CD58: variants seen among roughly 807,000 people sequenced by gnomAD.
The protein encoded by CD58 is CD58 molecule.
A neutral mutation model predicts 27.6 loss-of-function variants in CD58; 14 were observed. The ratio of observed to expected loss-of-function variants is 0.51; its 90% CI spans 0.34 to 0.79. The LOEUF (loss-of-function observed/expected upper bound fraction) is 0.79. Among genes scored for constraint, CD58 ranks in the 30% least tolerant of loss-of-function variants. CD58 has a pLI of 0.02. For missense variants in CD58, 268 were observed against 301.7 expected (o/e 0.89, Z 0.83); for synonymous variants, 117 against 103.8 (o/e 1.13, Z -0.77).
intron 3 of CD58, 124 bp downstream of exon 3, chr1:116,535,840 CA>C (rs35445069): frequency 0.13 from 19,135 of 151,296 alleles, 6 homozygotes; most frequent in South Asian, 0.16. Context: ...GACTCTGTCT[CA>C]AAAAAAAAAA....
In CD58 at chr1:116,538,221, T is replaced by C. The variant is rs767838858; in HGVS notation, c.365-1993A>G. On this transcript the variant is annotated intron_variant, in intron 2 of 5. Transcript: ENST00000369489. The surrounding 1 kb of genome is among the most constrained non-coding windows in gnomAD (Gnocchi z 4.7). ...AGACTTTTAATCATCTTTTAAGCAG[T>C]GGAATTTCTCAGAATTAAATCTTCA... is the stretch of plus-strand genomic sequence containing the variant. Among the ~76,000 whole-genome samples the C allele has an allele frequency of 5.3e-5, 8 of 152,162 alleles. No homozygotes were observed. Among genetic ancestry groups the C allele is most frequent in the Non-Finnish European group, 1.0e-4 (7 of 68,028 alleles).
intron 1 of CD58, among the ~76,000 whole-genome samples, chr1:116,569,760 C>G (rs1659065802): frequency 6.6e-6 from 1 of 152,046 alleles, no homozygotes; most frequent in South Asian, 2.1e-4. Context: ...CGCCACCACG[C>G]TCAGCTAATT....
chr1:116,544,330 C>G lies in CD58; in HGVS notation c.345G>C (p.Lys115Asn). The change falls in exon 2 of 6, where the codon AAG becomes AAC. Residue 115 changes from lysine (K) to asparagine (N), a missense_variant. Physicochemically the swap from Lys to Asn is moderately conservative, Grantham distance 94. Coordinates refer to ENST00000369489, the MANE Select transcript of CD58 (RefSeq NM_001779.3). ...MESPNITDTMKFFLYVLESLP... is the reference protein window; with the variant it reads ...MESPNITDTMNFFLYVLESLP... ...ACTCACCAAGCACATAAAGAAAGAA[C>G]TTCATGGTATCAGTAATATTTGGCG... 1 of 1,604,122 alleles carries G rather than the reference C, an allele frequency of 6.2e-7. No individual in the cohort carries two copies. Among genetic ancestry groups the G allele is most frequent in the Non-Finnish European group, 8.5e-7 (1 of 1,176,560 alleles).
intron 1 of CD58, among the ~76,000 whole-genome samples, chr1:116,553,486 T>C (rs920033855): frequency 1.3e-5 from 2 of 152,048 alleles, no homozygotes; most frequent in African/African-American, 4.8e-5. Flanking sequence ...TGACAGCATA[T>C]GGGGTAAAGG....
At position 116,544,328 on chromosome 1, in the gene CD58, A is replaced by T. The variant is rs749547715; in HGVS notation, c.347T>A (p.Phe116Tyr). The change falls in exon 2 of 6, where the codon TTC (phenylalanine) becomes TAC (tyrosine). Residue 116 changes from phenylalanine to tyrosine, a missense_variant. Phe to Tyr is a conservative substitution (Grantham distance 22). Transcript: ENST00000369489. ...ESPNITDTMK[F>Y]FLYVLESLPS... ...ATACTCACCAAGCACATAAAGAAAGAACTTCATGGTATCAGTAATATTTGG... is the reference window on the plus strand; with the variant it reads ...ATACTCACCAAGCACATAAAGAAAGTACTTCATGGTATCAGTAATATTTGG... 22 of 1,601,350 alleles carry T rather than the reference A, an allele frequency of 1.4e-5. No individual in the cohort carries two copies. The East Asian group carries it at 4.9e-4, about 36-fold the overall frequency.
At chr1:116,545,423 T>C (rs1203404476) in intron 1 of CD58, among the ~76,000 whole-genome samples, 6 of 152,144 alleles carry the variant, frequency 3.9e-5, no homozygotes, top group Non-Finnish European at 5.9e-5. Context: ...ATGAAGTCCA[T>C]GGACAGGACA....
rs887185396 is a variant in CD58 at position 116,552,266 on chromosome 1, A to G, written c.71-7662T>C. ...AGTCAGTGGAGCAGTCAGAACACAC[A>G]TAGCATTTATCAATTAAGTTCACCG... On this transcript the variant is annotated intron_variant, in intron 1 of 5. Transcript: ENST00000369489. The surrounding 1 kb of genome is among the most constrained non-coding windows in gnomAD (Gnocchi z 4.5). Among the ~76,000 whole-genome samples the G allele has an allele frequency of 6.6e-6, 1 of 152,190 alleles. No homozygotes were observed. The highest frequency in any genetic ancestry group is 1.5e-5 in the Non-Finnish European group (1 of 68,036).
At chr1:116,554,591 CT>C (rs1658504535) in intron 1 of CD58, among the ~76,000 whole-genome samples, 1 of 151,846 alleles carries the variant, frequency 6.6e-6, no homozygotes, top group African/African-American at 2.4e-5. Flanking sequence ...CTCACTTGCT[CT>C]TTTTTTAGAC....
At chr1:116,518,733 T>C in intron 5 of CD58, 1 of 991,718 alleles carries the variant, frequency 1.0e-6, no homozygotes, top group Non-Finnish European at 1.2e-6. Context: ...CTGCTGCTAA[T>C]TGTGTTTGTG....
rs1657278608 is a variant in CD58 at position 116,522,059 on chromosome 1, C to T, written c.629-76G>A. On this transcript the variant is annotated intron_variant, in intron 3 of 5. Transcript: ENST00000369489. This position sits in a 1 kb window ranked among gnomAD's most constrained non-coding sequence, Gnocchi z 4.6. ...GATCCTCATTATTTGCAGATTCCAC[C>T]TTGCGGTTTGCTTATTTACTGAAAT... 4.0e-6 allele frequency: 3 copies of T among 757,134 alleles called. No homozygotes were observed. Among genetic ancestry groups the T allele is most frequent in the Non-Finnish European group, 6.6e-6 (3 of 456,498 alleles). 46.9% of individuals were successfully genotyped at this position (757,134 alleles called of 1,614,324 possible).
intron 1 of CD58, among the ~76,000 whole-genome samples, chr1:116,558,512 A>G (rs552057011): frequency 8.5e-5 from 13 of 152,362 alleles, no homozygotes; most frequent in African/African-American, 3.1e-4. Flanking sequence ...AGTATTGAGG[A>G]GCGGCCAATC....
Position 116,563,068 on chromosome 1 carries a change from G to T in CD58, c.70+7835C>A, listed in dbSNP as rs1306324149. On this transcript the variant is annotated intron_variant, in intron 1 of 5. Coordinates refer to ENST00000369489, the MANE Select transcript of CD58 (RefSeq NM_001779.3). This position sits in a 1 kb window ranked among gnomAD's most constrained non-coding sequence, Gnocchi z 4.1. ...TTAGTTACTTCCTAGATACAATGGG[G>T]GTACAGGTGCTGAGTAAATATATCC... Among the ~76,000 whole-genome samples the T allele has an allele frequency of 6.6e-6, 1 of 152,186 alleles. No individual in the cohort carries two copies. The highest frequency in any genetic ancestry group is 1.9e-4 in the East Asian group (1 of 5,204).
rs1657020117 is a variant in CD58 at position 116,514,675 on chromosome 1, A to G, written c.*138T>C. ...TAATGCTTGTTCTTTGTTAGTGGGT[A>G]TTTCTTCTTAAAGCAGCTGCTTCAA... is the stretch of plus-strand genomic sequence containing the variant. On this transcript the variant is annotated 3_prime_UTR_variant, in exon 6 of 6. Transcript: ENST00000369489. The G allele has an allele frequency of 1.7e-6, 1 of 591,328 alleles. No individual in the cohort carries two copies. Among genetic ancestry groups the G allele is most frequent in the African/African-American group, 1.9e-5 (1 of 52,602 alleles). 36.6% of individuals were successfully genotyped at this position (591,328 alleles called of 1,614,324 possible).
chr1:116,525,807 T>A (rs1056158090), intron 3 of CD58, among the ~76,000 whole-genome samples: 1 of 152,218 alleles, frequency 6.6e-6, no homozygotes, highest in African/African-American at 2.4e-5. Context: ...TAGCTAATTT[T>A]TGTATTTTTA....
intron 1 of CD58, among the ~76,000 whole-genome samples, chr1:116,564,749 G>A (rs1658877338): frequency 6.6e-6 from 1 of 152,156 alleles, no homozygotes; most frequent in South Asian, 2.1e-4. Flanking sequence ...TTGACATATG[G>A]GGATTATTAC....
At chr1:116,548,202 G>A (rs897931670) in intron 1 of CD58, among the ~76,000 whole-genome samples, 1 of 152,128 alleles carries the variant, frequency 6.6e-6, no homozygotes, top group Non-Finnish European at 1.5e-5. Context: ...CTGGATATTG[G>A]TCCTTTGTCA....
Position 116,567,991 on chromosome 1 carries a change from C to T in CD58, c.70+2912G>A, listed in dbSNP as rs1658998973. Among the ~76,000 whole-genome samples, 3 of 147,378 alleles carry T rather than the reference C, an allele frequency of 2.0e-5. No individual in the cohort carries two copies. The South Asian group carries it at 6.4e-4, about 31-fold the overall frequency. On this transcript the variant is annotated intron_variant, in intron 1 of 5. Coordinates refer to ENST00000369489, the MANE Select transcript of CD58 (RefSeq NM_001779.3). ...GAGGAAACAAGCAGGCAATCCACAT[C>T]CAAAGGGACATTCGGTAAAGCAACT...
chr1:116,539,388 T>C (rs1657918728), intron 2 of CD58, among the ~76,000 whole-genome samples: 1 of 152,178 alleles, frequency 6.6e-6, no homozygotes, highest in African/African-American at 2.4e-5. Flanking sequence ...GGTCTCTTGT[T>C]CTACTTACAG....
Position 116,570,933 on chromosome 1 carries a change from G to A in CD58, c.40C>T (p.Leu14Phe). The change falls in exon 1 of 6, where the codon CTC (leucine) becomes TTC (phenylalanine). Residue 14 changes from leucine to phenylalanine, a missense_variant. Leu to Phe is a conservative substitution (Grantham distance 22). Coordinates refer to ENST00000369489, the MANE Select transcript of CD58 (RefSeq NM_001779.3). This position sits in a 1 kb window ranked among gnomAD's most constrained non-coding sequence, Gnocchi z 6.4. ...CAGTGCAGCAGGCAGACCACGCTGA[G>A]GACCCCCAGGGCCCGCCCCGCGTCG... ...GSDAGRALGV[L>F]SVVCLLHCFG... 1 of 1,568,810 alleles carries A rather than the reference G, an allele frequency of 6.4e-7. No individual in the cohort carries two copies. The highest frequency in any genetic ancestry group is 8.6e-7 in the Non-Finnish European group (1 of 1,163,428).
Sources: gnomAD v4.1 joint callset for allele counts (sites outside exome capture counted in the v4.1 genomes callset) on GRCh38, gnomAD v4.1.1 for gene constraint, Gnocchi (gnomAD v3.1) non-coding constraint, MANE v1.5 for transcripts, NCBI Gene and HGNC (gene_info 2026-07-23, HGNC 2026-07-21) for gene names.